Variants in DLG2 observed in about 807,000 individuals in gnomAD.
DLG2 encodes discs large MAGUK scaffold protein 2.
Under a neutral mutation model 132.5 loss-of-function variants are expected in DLG2, and 45 were observed. That is an observed-to-expected ratio of 0.34 (90% confidence interval 0.27 to 0.44). DLG2 has a LOEUF of 0.44. DLG2 is among the 20% of genes least tolerant of loss of function. The pLI, the probability that DLG2 is intolerant of heterozygous loss-of-function variation, is 1.00. For missense variants in DLG2, 1,045 were observed against 1,196.9 expected, an observed-to-expected ratio of 0.87 and a Z score of 1.87; for synonymous variants, 424 against 419.6, an observed-to-expected ratio of 1.01 and a Z score of -0.13.
intron 3 of DLG2, among the ~76,000 whole-genome samples, chr11:85,553,527 CA>C (rs1483464613): frequency 6.6e-6 from 1 of 150,618 alleles, no homozygotes; most frequent in Non-Finnish European, 1.5e-5. Flanking sequence ...AGCTAAACTA[CA>C]TTGAAGAATA....
In DLG2 at chr11:83,752,305, C is replaced by T. The variant is rs142285043; in HGVS notation, c.1825+34385G>A. On this transcript the variant is annotated intron_variant, in intron 18 of 27. Transcript: ENST00000376104. ...AAAAAAAGAGGAATAAGCCAAGGGA[C>T]ACTCCAAATTACAGGTTTTAACAAT... is the stretch of plus-strand genomic sequence containing the variant. 5.2e-4 allele frequency among the ~76,000 whole-genome samples: 77 copies of T among 149,090 alleles called. No individual in the cohort carries two copies. In the East Asian group the frequency reaches 0.013, roughly 26 times the overall value.
chr11:85,273,318 A>G (rs2077665342), intron 4 of DLG2, among the ~76,000 whole-genome samples: 1 of 152,188 alleles, frequency 6.6e-6, no homozygotes, highest in Non-Finnish European at 1.5e-5. Context: ...TGAACAGGCA[A>G]CCTACAGAAT....
At chr11:84,642,657 C>T (rs2099669119) in intron 6 of DLG2, among the ~76,000 whole-genome samples, 1 of 152,118 alleles carries the variant, frequency 6.6e-6, no homozygotes. Flanking sequence ...AGACATGTAC[C>T]TGCCTGCTGT....
intron 7 of DLG2, among the ~76,000 whole-genome samples, chr11:84,430,737 C>T (rs1416418522): frequency 1.3e-5 from 2 of 152,158 alleles, no homozygotes; most frequent in Non-Finnish European, 2.9e-5. Context: ...CCAGGGTGGG[C>T]AGCAGTTCTG....
chr11:83,708,701 C>T (rs1401776625), intron 18 of DLG2, among the ~76,000 whole-genome samples: 1 of 151,996 alleles, frequency 6.6e-6, no homozygotes, highest in African/African-American at 2.4e-5. Context: ...TTAGCTAATA[C>T]TACTTAATTA....
chr11:83,973,418 A>T (rs996508687), intron 12 of DLG2, among the ~76,000 whole-genome samples: 1 of 152,124 alleles, frequency 6.6e-6, no homozygotes, highest in Non-Finnish European at 1.5e-5. Flanking sequence ...TTTGAGATAA[A>T]TTAGAAGAGA....
At chr11:84,199,442 C>T (rs188218755) in intron 8 of DLG2, among the ~76,000 whole-genome samples, 1 of 151,720 alleles carries the variant, frequency 6.6e-6, no homozygotes, top group Non-Finnish European at 1.5e-5. Flanking sequence ...TGCAAAAAAG[C>T]AAGAAAATAG....
chr11:84,885,491 T>C (rs1313790844), intron 6 of DLG2, among the ~76,000 whole-genome samples: 2 of 152,018 alleles, frequency 1.3e-5, no homozygotes, highest in Non-Finnish European at 1.5e-5. Context: ...TGAGGTACCA[T>C]GCCTGGCCTG....
intron 4 of DLG2, among the ~76,000 whole-genome samples, chr11:85,157,216 C>T (rs972428588): frequency 6.6e-6 from 1 of 152,238 alleles, no homozygotes; most frequent in South Asian, 2.1e-4. Context: ...TGCTCCTCAG[C>T]TTGCAGATGG....
intron 6 of DLG2, among the ~76,000 whole-genome samples, chr11:85,028,569 G>C (rs1300186397): frequency 6.6e-6 from 1 of 152,156 alleles, no homozygotes; most frequent in African/African-American, 2.4e-5. Flanking sequence ...GTCCAGAGGG[G>C]GGGCTGAGGG....
At chr11:83,937,456 C>T (rs1300008536) in intron 14 of DLG2, among the ~76,000 whole-genome samples, 4 of 146,896 alleles carry the variant, frequency 2.7e-5, no homozygotes, top group African/African-American at 1.0e-4. Context: ...TGCAGTGAGC[C>T]GAGATTGTGC....
intron 6 of DLG2, among the ~76,000 whole-genome samples, chr11:84,722,818 A>G (rs2061984624): frequency 6.6e-6 from 1 of 152,174 alleles, no homozygotes; most frequent in Non-Finnish European, 1.5e-5. Flanking sequence ...TTCTTACACT[A>G]AGTGCAGAAG....
intron 4 of DLG2, among the ~76,000 whole-genome samples, chr11:85,207,331 G>A (rs573567754): frequency 1.3e-5 from 2 of 152,092 alleles, no homozygotes; most frequent in Admixed American, 6.6e-5. Flanking sequence ...CTACCTTCCA[G>A]GTATTTGCCA....
At chr11:84,026,427 A>G (rs916187647) in intron 11 of DLG2, among the ~76,000 whole-genome samples, 1 of 152,122 alleles carries the variant, frequency 6.6e-6, no homozygotes, top group Non-Finnish European at 1.5e-5. Context: ...GTAAAATCAT[A>G]GAGCTGAAAG....
At chr11:83,675,706 C>T (rs1052473496) in intron 18 of DLG2, among the ~76,000 whole-genome samples, 2 of 152,184 alleles carry the variant, frequency 1.3e-5, no homozygotes, top group Admixed American at 6.5e-5. Flanking sequence ...CCTTATTCTA[C>T]TGGGCACATG....
chr11:84,845,050 G>GCAAT (rs1476859115), intron 6 of DLG2, among the ~76,000 whole-genome samples: 1 of 152,038 alleles, frequency 6.6e-6, no homozygotes, highest in Non-Finnish European at 1.5e-5. Context: ...TAATCAAACA[G>GCAAT]CAATGACTAT....
chr11:84,887,344 T>C (rs539926501), intron 6 of DLG2: 1 of 121,694 alleles, frequency 8.2e-6, no homozygotes, highest in East Asian at 2.0e-4. Context: ...AGATAGCTGA[T>C]TTATGAAAGT....
intron 19 of DLG2, among the ~76,000 whole-genome samples, chr11:83,617,987 ACT>A (rs1591035939): frequency 1.3e-5 from 2 of 152,038 alleles, no homozygotes; most frequent in East Asian, 3.9e-4. Context: ...ATGGAGTGAG[ACT>A]CTGTCTCAAA....
intron 6 of DLG2, among the ~76,000 whole-genome samples, chr11:84,634,724 T>C (rs1019378575): frequency 2.0e-5 from 3 of 152,226 alleles, no homozygotes; most frequent in Non-Finnish European, 2.9e-5. Context: ...TCTGACTAAA[T>C]GAATGAATAA....
Sources: allele counts gnomAD v4.1 joint callset (sites outside exome capture counted in the v4.1 genomes callset), GRCh38; gene constraint gnomAD v4.1.1; transcripts MANE v1.5; gene names NCBI Gene and HGNC (gene_info 2026-07-23, HGNC 2026-07-21).